The following PRKG1 variants were observed in gnomAD, a reference collection of about 807,000 sequenced individuals.
PRKG1 encodes the protein protein kinase cGMP-dependent 1.
Under a neutral mutation model 88.1 loss-of-function variants are expected in PRKG1, and 35 were observed. The ratio of observed to expected loss-of-function variants is 0.40; its 90% CI spans 0.30 to 0.53. The LOEUF (loss-of-function observed/expected upper bound fraction) is 0.53. Ranked by LOEUF, PRKG1 falls within the 20% of genes least tolerant of loss-of-function variation. The pLI, the probability that PRKG1 is intolerant of heterozygous loss-of-function variation, is 0.59. For synonymous variants in PRKG1, 303 were observed against 292.5 expected, an observed-to-expected ratio of 1.04 and a Z score of -0.37; for missense variants, 540 against 839.8, an observed-to-expected ratio of 0.64 and a Z score of 4.41.
intron 7 of PRKG1, among the ~76,000 whole-genome samples, chr10:52,098,363 A>G (rs1158845639): frequency 1.3e-5 from 2 of 152,184 alleles, no homozygotes; most frequent in African/African-American, 4.8e-5. Flanking sequence ...CGTAGTGAAT[A>G]TTTAACTCCC....
chr10:52,179,197 G>C (rs1164449897), intron 9 of PRKG1, among the ~76,000 whole-genome samples: 1 of 151,696 alleles, frequency 6.6e-6, no homozygotes, highest in East Asian at 1.9e-4. Context: ...TTATAGTGTT[G>C]CATGTTTTCA....
chr10:51,138,683 T>TTTG (rs1554839813), intron 1 of PRKG1, among the ~76,000 whole-genome samples: 1 of 128,058 alleles, frequency 7.8e-6, no homozygotes, highest in East Asian at 2.5e-4. Context: ...TTGTTTTTTT[T>TTTG]TTTTTTTTTT....
chr10:51,364,664 A>G (rs1320656451), intron 2 of PRKG1, among the ~76,000 whole-genome samples: 1 of 151,926 alleles, frequency 6.6e-6, no homozygotes, highest in Non-Finnish European at 1.5e-5. Flanking sequence ...ATTTATATAA[A>G]AAAATTTCAG....
chr10:52,030,514 G>A (rs1015691734), intron 5 of PRKG1, among the ~76,000 whole-genome samples: 8 of 152,154 alleles, frequency 5.3e-5, no homozygotes, highest in Non-Finnish European at 1.0e-4. Context: ...TTCACATGAT[G>A]GTTTTCTTCA....
At chr10:51,680,288 A>T (rs55713010) in intron 3 of PRKG1, among the ~76,000 whole-genome samples, 1,086 of 99,990 alleles carry the variant, frequency 0.011, 14 homozygotes, top group African/African-American at 0.034. Flanking sequence ...AAAGTATAAT[A>T]AAAAAAAAAA....
At chr10:52,288,291 G>A (rs760466413) in intron 14 of PRKG1, among the ~76,000 whole-genome samples, 1 of 152,080 alleles carries the variant, frequency 6.6e-6, no homozygotes, top group Non-Finnish European at 1.5e-5. Flanking sequence ...CAGAGAGAAG[G>A]CTATTGTTTC....
chr10:51,912,580 A>C (rs1225453937), intron 5 of PRKG1, among the ~76,000 whole-genome samples: 1 of 152,224 alleles, frequency 6.6e-6, no homozygotes, highest in Non-Finnish European at 1.5e-5. Context: ...TAATATGGAA[A>C]GACAGAGACT....
chr10:51,439,898 G>T (rs895656352), intron 2 of PRKG1, among the ~76,000 whole-genome samples: 1 of 151,872 alleles, frequency 6.6e-6, no homozygotes, highest in Non-Finnish European at 1.5e-5. Flanking sequence ...AAGAGCTTTT[G>T]TTGAACTTGA....
At chr10:51,936,491 GC>G (rs1213985288) in intron 5 of PRKG1, among the ~76,000 whole-genome samples, 1 of 151,950 alleles carries the variant, frequency 6.6e-6, no homozygotes, top group Non-Finnish European at 1.5e-5. Flanking sequence ...TCGACAAGGG[GC>G]TAACTGGATT....
chr10:51,026,563 GCAC>G (rs1426945154), intron 1 of PRKG1, among the ~76,000 whole-genome samples: 1 of 152,168 alleles, frequency 6.6e-6, no homozygotes, highest in Non-Finnish European at 1.5e-5. Context: ...GGGAATAAGT[GCAC>G]CAAGTGAGCA....
chr10:51,181,416 T>C (rs891123608), intron 2 of PRKG1, among the ~76,000 whole-genome samples: 6 of 150,328 alleles, frequency 4.0e-5, no homozygotes, highest in African/African-American at 1.2e-4. Flanking sequence ...TAATTTTTTG[T>C]ATTTTTAGTA....
At chr10:52,176,835 T>C (rs1299658411) in intron 9 of PRKG1, among the ~76,000 whole-genome samples, 1 of 152,156 alleles carries the variant, frequency 6.6e-6, no homozygotes, top group African/African-American at 2.4e-5. Context: ...TGTATAGAAA[T>C]GTTATTGATT....
intron 3 of PRKG1, among the ~76,000 whole-genome samples, chr10:51,593,756 G>A (rs1359721317): frequency 5.3e-5 from 8 of 151,344 alleles, no homozygotes; most frequent in Admixed American, 2.0e-4. Flanking sequence ...ACGGAGTCTC[G>A]GTCTGTCACC....
intron 3 of PRKG1, among the ~76,000 whole-genome samples, chr10:51,491,808 G>A (rs879435309): frequency 2.0e-5 from 3 of 152,080 alleles, no homozygotes; most frequent in Non-Finnish European, 4.4e-5. Context: ...ACATAGAATG[G>A]ACAGTGGCTG....
At chr10:51,798,492 CAT>C (rs1385406360) in intron 3 of PRKG1, among the ~76,000 whole-genome samples, 3 of 151,912 alleles carry the variant, frequency 2.0e-5, no homozygotes, top group African/African-American at 7.2e-5. Context: ...TTTCCCAAAA[CAT>C]AAAATTTACT....
Position 52,271,204 on chromosome 10 carries a change from G to C in PRKG1, c.1174-146G>C, listed in dbSNP as rs16928684. On this transcript the variant is annotated intron_variant, in intron 10 of 17. Transcript: ENST00000373980. ...TAGCTGTGAGCCCTGGATGTTAAAC[G>C]CAGCTCTACCAAGGATTTACTGTGT... The C allele has an allele frequency of 0.029, 22,622 of 780,052 alleles. 2,185 individuals carry two copies. Among genetic ancestry groups the C allele is most frequent in the East Asian group, 0.29 (10,499 of 36,492 alleles). 48.3% of individuals were successfully genotyped at this position (780,052 alleles called of 1,614,324 possible). A position where few individuals can be genotyped will look rare whatever the true frequency, so the allele number is the denominator to read the frequency against.
chr10:51,452,021 C>T (rs1473847670), intron 2 of PRKG1, among the ~76,000 whole-genome samples: 1 of 151,776 alleles, frequency 6.6e-6, no homozygotes, highest in Non-Finnish European at 1.5e-5. Flanking sequence ...TTACTATGTA[C>T]CTGTGCTAAT....
chr10:51,493,107 C>T (rs1262650107), intron 3 of PRKG1, among the ~76,000 whole-genome samples: 1 of 152,086 alleles, frequency 6.6e-6, no homozygotes, highest in Non-Finnish European at 1.5e-5. Context: ...GAGAGCAGAG[C>T]TTGAGCATTA....
chr10:51,898,567 G>A (rs970776477), intron 4 of PRKG1, among the ~76,000 whole-genome samples: 5 of 152,046 alleles, frequency 3.3e-5, no homozygotes, highest in Non-Finnish European at 5.9e-5. Context: ...AGGCACAGTG[G>A]CTCATGCCTA....
Sources: allele counts gnomAD v4.1 joint callset (sites outside exome capture counted in the v4.1 genomes callset), GRCh38; gene constraint gnomAD v4.1.1; transcripts MANE v1.5; gene names NCBI Gene and HGNC (gene_info 2026-07-23, HGNC 2026-07-21).